Variants in RBFOX1 observed in about 807,000 individuals in gnomAD.
RBFOX1 encodes RNA binding fox-1 homolog 1.
RBFOX1 carries 8 observed loss-of-function variants against 57.7 expected under a neutral mutation model. That is an observed-to-expected ratio of 0.14 (90% confidence interval 0.08 to 0.25). The LOEUF is 0.25. Among genes scored for constraint, RBFOX1 ranks in the 10% least tolerant of loss-of-function variants. The probability of loss-of-function intolerance (pLI) is 1.00; values close to 1 mark genes in which losing one functional copy is unlikely to be tolerated. For synonymous variants in RBFOX1, 326 were observed against 222.4 expected (o/e 1.47, Z -4.15); for missense variants, 611 against 548.5 (o/e 1.11, Z -1.14).
intron 5 of RBFOX1, among the ~76,000 whole-genome samples, chr16:7,523,417 A>G (rs183877351): frequency 6.6e-6 from 1 of 152,340 alleles, no homozygotes; most frequent in East Asian, 1.9e-4. Context: ...CATTTTTTCC[A>G]TGAATGGAGG....
chr16:5,639,832 T>A (rs2048802902), intron 3 of RBFOX1, among the ~76,000 whole-genome samples: 1 of 152,218 alleles, frequency 6.6e-6, no homozygotes, highest in African/African-American at 2.4e-5. Context: ...TTGTTATGAT[T>A]GTGAGTTTCT....
At chr16:5,635,738 A>C (rs935663804) in intron 3 of RBFOX1, among the ~76,000 whole-genome samples, 1 of 152,078 alleles carries the variant, frequency 6.6e-6, no homozygotes, top group East Asian at 1.9e-4. Context: ...TCTTGGGTGC[A>C]TTTGTAAATA....
At chr16:5,557,852 G>C (rs562232858) in intron 2 of RBFOX1, among the ~76,000 whole-genome samples, 1 of 152,288 alleles carries the variant, frequency 6.6e-6, no homozygotes, top group South Asian at 2.1e-4. Context: ...CCTCGTCCTG[G>C]CCCCGTATAA....
At chr16:5,748,497 G>T (rs2053070415) in intron 3 of RBFOX1, among the ~76,000 whole-genome samples, 1 of 152,140 alleles carries the variant, frequency 6.6e-6, no homozygotes, top group African/African-American at 2.4e-5. Context: ...CATTATTATT[G>T]TGTGGGAGTC....
chr16:6,242,615 G>A lies in RBFOX1; in HGVS notation c.-126-74380G>A, dbSNP rs552242795. Reference sequence around the variant, plus strand: ...GGCATTTACGTTCAGTTTGAGAGAGGATAATTTATTGCAAACACACACACA... The same window carrying A: ...GGCATTTACGTTCAGTTTGAGAGAGAATAATTTATTGCAAACACACACACA... On this transcript the variant is annotated intron_variant, in intron 1 of 15. Coordinates refer to ENST00000550418, the MANE Select transcript of RBFOX1 (RefSeq NM_018723.4). Among the ~76,000 whole-genome samples, 37 of 116,716 alleles carry A rather than the reference G, an allele frequency of 3.2e-4. No individual in the cohort carries two copies. In the East Asian group the frequency reaches 9.4e-3, roughly 30 times the overall value. The allele number at this position is 116,716 out of a possible 152,430, so 76.6% of individuals were successfully genotyped here. A position where few individuals can be genotyped will look rare whatever the true frequency, so the allele number is the denominator to read the frequency against.
At chr16:6,679,493 C>A (rs972085426) in intron 3 of RBFOX1, among the ~76,000 whole-genome samples, 1 of 152,082 alleles carries the variant, frequency 6.6e-6, no homozygotes, top group Non-Finnish European at 1.5e-5. Context: ...ACAAATGATG[C>A]TTCATGGTCG....
chr16:5,352,241 G>C (rs919962767), intron 1 of RBFOX1, among the ~76,000 whole-genome samples: 1 of 152,088 alleles, frequency 6.6e-6, no homozygotes, highest in African/African-American at 2.4e-5. Flanking sequence ...GTCCACCCTG[G>C]GAGTGGCTGG....
intron 1 of RBFOX1, among the ~76,000 whole-genome samples, chr16:5,297,275 C>G (rs754372582): frequency 8.5e-5 from 13 of 152,318 alleles, no homozygotes; most frequent in African/African-American, 2.9e-4. Flanking sequence ...AGATGTGTGA[C>G]TGCTGGATCA....
At chr16:6,600,106 C>A (rs1446241611) in intron 2 of RBFOX1, among the ~76,000 whole-genome samples, 1 of 152,174 alleles carries the variant, frequency 6.6e-6, no homozygotes, top group Non-Finnish European at 1.5e-5. Flanking sequence ...TTTTCAAGCT[C>A]ATTTTTCTCA....
At chr16:6,197,598 G>C (rs552639241) in intron 1 of RBFOX1, among the ~76,000 whole-genome samples, 1 of 151,548 alleles carries the variant, frequency 6.6e-6, no homozygotes, top group East Asian at 1.9e-4. Context: ...GAACAGTAGA[G>C]GACCAGGATC....
intron 3 of RBFOX1, among the ~76,000 whole-genome samples, chr16:6,940,792 G>T (rs1456773635): frequency 1.6e-5 from 2 of 123,736 alleles, no homozygotes; most frequent in African/African-American, 5.3e-5. Flanking sequence ...GTGTGTGTGT[G>T]TGTGTGTGTG....
intron 4 of RBFOX1, among the ~76,000 whole-genome samples, chr16:5,976,694 C>A (rs2060070010): frequency 6.6e-6 from 1 of 152,082 alleles, no homozygotes; most frequent in African/African-American, 2.4e-5. Context: ...TATGGTGAAA[C>A]CTTGTTTCTA....
intron 4 of RBFOX1, among the ~76,000 whole-genome samples, chr16:7,343,581 A>T (rs769076895): frequency 6.6e-6 from 1 of 152,154 alleles, no homozygotes; most frequent in Non-Finnish European, 1.5e-5. Context: ...ATTTTGTTAT[A>T]ATAACAACAG....
intron 4 of RBFOX1, among the ~76,000 whole-genome samples, chr16:7,159,264 A>G (rs1377223538): frequency 1.3e-5 from 2 of 149,738 alleles, no homozygotes; most frequent in African/African-American, 2.5e-5. Context: ...TTTTTTCAGT[A>G]GACACCCTGA....
intron 14 of RBFOX1, among the ~76,000 whole-genome samples, chr16:7,708,677 C>A (rs1326562245): frequency 6.6e-6 from 1 of 152,170 alleles, no homozygotes; most frequent in East Asian, 1.9e-4. Flanking sequence ...AAGGCACTCT[C>A]TTGAGAATTA....
intron 3 of RBFOX1, among the ~76,000 whole-genome samples, chr16:5,749,375 T>C (rs2151614408): frequency 6.6e-6 from 1 of 152,296 alleles, no homozygotes; most frequent in South Asian, 2.1e-4. Flanking sequence ...AGTATCTTTG[T>C]GGCATTCTCT....
At chr16:7,181,318 T>C (rs1602070274) in intron 4 of RBFOX1, among the ~76,000 whole-genome samples, 1 of 152,164 alleles carries the variant, frequency 6.6e-6, no homozygotes, top group African/African-American at 2.4e-5. Flanking sequence ...AGAAATTCCA[T>C]GTCATCCTTC....
chr16:6,648,098 C>A (rs375644096), intron 2 of RBFOX1, among the ~76,000 whole-genome samples: 3 of 152,184 alleles, frequency 2.0e-5, no homozygotes, highest in South Asian at 2.1e-4. Flanking sequence ...CTGCCTTGGC[C>A]TCCCAAAGTG....
In RBFOX1 at chr16:5,400,232, C is replaced by A. The variant is rs143130992; in HGVS notation, c.220-66984C>A. On this transcript the variant is annotated intron_variant, in intron 1 of 2. Coordinates refer to the RBFOX1 transcript ENST00000585867. ...TCAGCCTCTCGAGTAACTGGGATTA[C>A]AGGTGCTTGCCACCACACCCGGCTG... 5.3e-3 allele frequency among the ~76,000 whole-genome samples: 809 copies of A among 152,136 alleles called. 5 individuals are homozygous for A. The highest frequency in any genetic ancestry group is 9.8e-3 in the Non-Finnish European group (667 of 67,994).
Sources: gnomAD v4.1 joint callset for allele counts (sites outside exome capture counted in the v4.1 genomes callset) on GRCh38, gnomAD v4.1.1 for gene constraint, MANE v1.5 for transcripts, NCBI Gene and HGNC (gene_info 2026-07-23, HGNC 2026-07-21) for gene names.